Variants in GDF10 observed in about 807,000 individuals in gnomAD.
The protein encoded by GDF10 is growth differentiation factor 10, also known as growth/differentiation factor 10.
Under a neutral mutation model 32.1 loss-of-function variants are expected in GDF10, and 23 were observed. That is an observed-to-expected ratio of 0.72 (90% CI 0.52 to 1.02). The LOEUF (loss-of-function observed/expected upper bound fraction) is 1.02, where lower values mean the gene tolerates loss of function less well. GDF10 is among the 50% of genes least tolerant of loss of function. The pLI is 0.00. For missense variants in GDF10, 764 were observed against 673.9 expected, an observed-to-expected ratio of 1.13 and a Z score of -1.48; for synonymous variants, 328 against 303.1, an observed-to-expected ratio of 1.08 and a Z score of -0.85.
At position 47,313,484 on chromosome 10, in the gene GDF10, T is replaced by C. The variant is rs2061054730; in HGVS notation, c.*692T>C. On this transcript the variant is annotated 3_prime_UTR_variant, in exon 3 of 3. Transcript: ENST00000580279. ...CTAAAAAATAACCAAGATTTTATATTTTTGTAAATTATACTTTCTATACTG... is the reference window on the plus strand; with the variant it reads ...CTAAAAAATAACCAAGATTTTATATCTTTGTAAATTATACTTTCTATACTG... 1 of 152,680 alleles carries C rather than the reference T, an allele frequency of 6.5e-6. No homozygotes were observed. Among genetic ancestry groups the C allele is most frequent in the Non-Finnish European group, 1.5e-5 (1 of 68,050 alleles). 9.5% of individuals were successfully genotyped at this position (152,680 alleles called of 1,614,324 possible).
chr10:47,306,279 C>T (rs907108452), intron 1 of GDF10, among the ~76,000 whole-genome samples: 1 of 152,384 alleles, frequency 6.6e-6, no homozygotes, highest in South Asian at 2.1e-4. Context: ...AAGGGGAAGT[C>T]TGGCTAAACA....
intron 1 of GDF10, among the ~76,000 whole-genome samples, chr10:47,302,028 C>G (rs1190610986): frequency 1.3e-5 from 2 of 152,206 alleles, no homozygotes; most frequent in African/African-American, 4.8e-5. Context: ...ATGCCCTCCT[C>G]CTCCACTTAG....
chr10:47,301,184 C>G lies in GDF10; in HGVS notation c.319+214C>G, dbSNP rs184722300. On this transcript the variant is annotated intron_variant, in intron 1 of 2. Transcript: ENST00000580279. ...CAGCAGGTGGCACAGAGGTCCTGCC[C>G]CTGGGGTGCTCCCACATTGCTGGAC... Among the ~76,000 whole-genome samples, 1,085 of 152,360 alleles carry G rather than the reference C, an allele frequency of 7.1e-3. 14 individuals are homozygous for G. Among genetic ancestry groups the G allele is most frequent in the African/African-American group, 0.024 (1,012 of 41,586 alleles).
rs951358878 is a variant in GDF10, at chr10:47,300,339, C to T, written c.-313C>T. Reference sequence around the variant, plus strand: ...CCCCTCGAAGCAGCCGGGCCGGGCGCGCAGTGGGCTACAAACTTTCGCGGC... The same window carrying T: ...CCCCTCGAAGCAGCCGGGCCGGGCGTGCAGTGGGCTACAAACTTTCGCGGC... On this transcript the variant is annotated 5_prime_UTR_variant, in exon 1 of 3. Transcript: ENST00000580279. 3.7e-6 allele frequency: 1 copy of T among 270,818 alleles called. No homozygotes were observed. Among genetic ancestry groups the T allele is most frequent in the African/African-American group, 2.2e-5 (1 of 45,088 alleles). The allele number at this position is 270,818 out of a possible 1,614,324, so 16.8% of individuals were successfully genotyped here.
intron 1 of GDF10, among the ~76,000 whole-genome samples, chr10:47,306,435 C>T (rs1425633977): frequency 1.3e-5 from 2 of 152,186 alleles, no homozygotes; most frequent in Admixed American, 1.3e-4. Context: ...AGTAACAGAC[C>T]ACACTTCTCT....
At position 47,300,691 on chromosome 10, in the gene GDF10, C is replaced by A. The variant is rs1555206740; in HGVS notation, c.40C>A (p.Pro14Thr). ...CGCTCGGACCAGCCCGGGACCCGGG[C>A]CCCAGCTGCTGCTGCTGCTGCTGCC... The part of the protein sequence containing the change: ...VPARTSPGPG[P>T]QLLLLLLPLF... The change falls in exon 1 of 3, where the codon CCC becomes ACC. Residue 14 changes from proline to threonine, a missense_variant. Transcript: ENST00000580279. 1.2e-6 allele frequency: 2 copies of A among 1,602,604 alleles called. No individual in the cohort carries two copies. The highest frequency in any genetic ancestry group is 1.7e-6 in the Non-Finnish European group (2 of 1,176,530).
At position 47,310,186 on chromosome 10, in the gene GDF10, C is replaced by G. The variant is rs1555207550; in HGVS notation, c.710C>G (p.Pro237Arg). 3 of 1,611,916 alleles carry G rather than the reference C, an allele frequency of 1.9e-6. No individual in the cohort carries two copies. The African/African-American group carries it at 4.0e-5, about 21-fold the overall frequency. The change falls in exon 2 of 3, where the codon CCC becomes CGC. Residue 237 changes from proline (P) to arginine (R), a missense_variant. Pro to Arg is a moderately radical substitution (Grantham distance 103, BLOSUM62 -2). Coordinates refer to ENST00000580279, the MANE Select transcript of GDF10 (RefSeq NM_004962.5). Reference sequence around the variant, plus strand: ...GAGAGGGACCCGGGGGTGCCCCGGCCCAGCCCCTATGCGCCCTACATCCTA... The same window carrying G: ...GAGAGGGACCCGGGGGTGCCCCGGCGCAGCCCCTATGCGCCCTACATCCTA... Reference protein sequence around the residue: ...SEERDPGVPRPSPYAPYILVY... With the variant: ...SEERDPGVPRRSPYAPYILVY...
chr10:47,305,995 A>C (rs1389802216), intron 1 of GDF10, among the ~76,000 whole-genome samples: 1 of 152,222 alleles, frequency 6.6e-6, no homozygotes, highest in East Asian at 1.9e-4. Context: ...ATGGAGGAGC[A>C]AAAGGCATGG....
chr10:47,308,144 C>T (rs2061029723), intron 1 of GDF10, among the ~76,000 whole-genome samples: 1 of 152,194 alleles, frequency 6.6e-6, no homozygotes, highest in African/African-American at 2.4e-5. Context: ...TGCAGATACA[C>T]CACCGCTACC....
At position 47,309,968 on chromosome 10, in the gene GDF10, G is replaced by A. The variant is rs782564113; in HGVS notation, c.492G>A (p.Leu164=). 1.1e-5 allele frequency: 18 copies of A among 1,611,764 alleles called. No individual in the cohort carries two copies. In the African/African-American group the frequency reaches 1.5e-4, roughly 13 times the overall value. ...ACGCTTCAGGCCGCCCGCTGCCCCT[G>A]GGCCCGCCCACACGCCAGCACCTGC... ...AKNASGRPLP[L]GPPTRQHLLF... The change falls in exon 2 of 3, where the codon CTG becomes CTA. Residue 164 remains leucine (L), a synonymous_variant. Coordinates refer to ENST00000580279, the MANE Select transcript of GDF10 (RefSeq NM_004962.5).
chr10:47,303,497 C>T (rs1316662012), intron 1 of GDF10, among the ~76,000 whole-genome samples: 3 of 152,182 alleles, frequency 2.0e-5, no homozygotes, highest in Non-Finnish European at 4.4e-5. Context: ...TGCTCCCCTC[C>T]TTATAGGATT....
intron 1 of GDF10, among the ~76,000 whole-genome samples, chr10:47,308,252 A>G (rs2853838): frequency 5.3e-5 from 8 of 151,974 alleles, no homozygotes; most frequent in Non-Finnish European, 1.0e-4. Flanking sequence ...ATTGTTATGC[A>G]GTCAAGGCCA....
At position 47,300,556 on chromosome 10, in the gene GDF10, G is replaced by T; in HGVS notation, c.-96G>T. On this transcript the variant is annotated 5_prime_UTR_variant, in exon 1 of 3. Transcript: ENST00000580279. ...GCCCTGCTGCCCGGGCTCTCCCCGC[G>T]CGCCCTACTGCCGCGAGGTCAGTCC... The T allele has an allele frequency of 1.7e-6, 2 of 1,156,408 alleles. No homozygotes were observed. The highest frequency in any genetic ancestry group is 1.6e-5 in the South Asian group (1 of 62,188). The allele number at this position is 1,156,408 out of a possible 1,614,324, so 71.6% of individuals were successfully genotyped here. A position where few individuals can be genotyped will look rare whatever the true frequency, so the allele number is the denominator to read the frequency against.
rs145940940 is a variant in GDF10 at position 47,300,637 on chromosome 10, C to A, written c.-15C>A. 1.3e-4 allele frequency: 206 copies of A among 1,578,206 alleles called. 1 individual carries two copies. The African/African-American group carries it at 2.6e-3, about 20-fold the overall frequency. ...CTCCTCCTGGACTTCGGCCCTTTGC[C>A]GCCCTCACCACGCCATGGCTCATGT... On this transcript the variant is annotated 5_prime_UTR_variant, in exon 1 of 3. Coordinates refer to ENST00000580279, the MANE Select transcript of GDF10 (RefSeq NM_004962.5).
At chr10:47,307,705 C>T (rs2061028059) in intron 1 of GDF10, among the ~76,000 whole-genome samples, 1 of 152,230 alleles carries the variant, frequency 6.6e-6, no homozygotes, top group South Asian at 2.1e-4. Flanking sequence ...AAAGGTTCCT[C>T]CCCACTCTGA....
At position 47,300,945 on chromosome 10, in the gene GDF10, G is replaced by A. The variant is rs1029667861; in HGVS notation, c.294G>A (p.Thr98=). The A allele has an allele frequency of 7.9e-6, 12 of 1,519,794 alleles. No individual in the cohort carries two copies. Among genetic ancestry groups the A allele is most frequent in the African/African-American group, 1.4e-5 (1 of 70,326 alleles). The allele number at this position is 1,519,794 out of a possible 1,614,324, so 94.1% of individuals were successfully genotyped here. A position where few individuals can be genotyped will look rare whatever the true frequency, so the allele number is the denominator to read the frequency against. ...GCGCGCGGCCGGGAGGGGGCAACACGGTCCGCAGCTTCAGGGCCAGGCTGG... is the reference window on the plus strand; with the variant it reads ...GCGCGCGGCCGGGAGGGGGCAACACAGTCCGCAGCTTCAGGGCCAGGCTGG... ...RQGARPGGGN[T]VRSFRARLEV... Residue 98 remains threonine, a synonymous_variant, in exon 1 of 3, where the codon ACG becomes ACA. Transcript: ENST00000580279.
rs1350186221 is a variant in GDF10, at chr10:47,312,950, G to T, written c.*158G>T. ...CTGTCCGCCAGTGCATCATTAGGGG[G>T]TCTTTCATTGCTAGTGACTAGCCCC... On this transcript the variant is annotated 3_prime_UTR_variant, in exon 3 of 3. Coordinates refer to ENST00000580279, the MANE Select transcript of GDF10 (RefSeq NM_004962.5). The T allele has an allele frequency of 2.3e-5, 11 of 474,956 alleles. No homozygotes were observed. The highest frequency in any genetic ancestry group is 2.0e-4 in the African/African-American group (10 of 50,334). The allele number at this position is 474,956 out of a possible 1,614,324, so 29.4% of individuals were successfully genotyped here. A position where few individuals can be genotyped will look rare whatever the true frequency, so the allele number is the denominator to read the frequency against.
intron 1 of GDF10, among the ~76,000 whole-genome samples, chr10:47,309,070 G>A (rs1368887198): frequency 6.6e-6 from 1 of 152,158 alleles, no homozygotes; most frequent in African/African-American, 2.4e-5. Context: ...TAATGGTTGA[G>A]ACGTCCCGGT....
chr10:47,300,570 C>T lies in GDF10; in HGVS notation c.-82C>T. On this transcript the variant is annotated 5_prime_UTR_variant, in exon 1 of 3. Transcript: ENST00000580279. ...GCTCTCCCCGCGCGCCCTACTGCCG[C>T]GAGGTCAGTCCGCAGCCTCCGGTGC... 7.5e-7 allele frequency: 1 copy of T among 1,338,534 alleles called. No individual in the cohort carries two copies. Among genetic ancestry groups the T allele is most frequent in the Non-Finnish European group, 1.0e-6 (1 of 994,928 alleles). The allele number at this position is 1,338,534 out of a possible 1,614,324, so 82.9% of individuals were successfully genotyped here. A position where few individuals can be genotyped will look rare whatever the true frequency, so the allele number is the denominator to read the frequency against.
Sources: gnomAD v4.1 joint callset for allele counts (sites outside exome capture counted in the v4.1 genomes callset) on GRCh38, gnomAD v4.1.1 for gene constraint, MANE v1.5 for transcripts, NCBI Gene and HGNC (gene_info 2026-07-23, HGNC 2026-07-21) for gene names.